The following ANKZF1 variants were observed in gnomAD, a reference collection of about 807,000 sequenced individuals.
ANKZF1 encodes tRNA endonuclease ANKZF1.
ANKZF1 carries 84 observed loss-of-function variants against 86.0 expected under a neutral mutation model. The observed-to-expected ratio is 0.98, with a 90% CI of 0.82 to 1.17. The LOEUF (loss-of-function observed/expected upper bound fraction) is 1.17. Among genes scored for constraint, ANKZF1 ranks in the 50% most tolerant of loss-of-function variants. The probability of loss-of-function intolerance (pLI) is 0.00; values close to 1 mark genes in which losing one functional copy is unlikely to be tolerated. For synonymous variants in ANKZF1, 331 were observed against 354.2 expected (o/e 0.93, Z 0.74); for missense variants, 893 against 918.4 (o/e 0.97, Z 0.36).
intron 9 of ANKZF1, chr2:219,234,538 A>G (rs1411810841): frequency 4.7e-6 from 3 of 643,468 alleles, no homozygotes. Flanking sequence ...GATCTCACAT[A>G]GTTTATCTTT....
chr2:219,235,345 G>C, intron 10 of ANKZF1, 33 bp downstream of exon 10: 1 of 1,598,266 alleles, frequency 6.3e-7, no homozygotes. Context: ...AGTCATTTTG[G>C]GTATAGAGAG....
chr2:219,232,077 A>G, intron 3 of ANKZF1, 37 bp downstream of exon 3: 1 of 1,543,966 alleles, frequency 6.5e-7, no homozygotes, highest in Non-Finnish European at 8.8e-7. Flanking sequence ...GTTAGAAGCA[A>G]AAGTGTAATG....
chr2:219,234,260 G>T lies in ANKZF1; in HGVS notation c.1176G>T (p.Leu392=), dbSNP rs1341072278. The T allele has an allele frequency of 9.3e-6, 15 of 1,613,954 alleles. No individual in the cohort carries two copies. Among genetic ancestry groups the T allele is most frequent in the Non-Finnish European group, 1.3e-5 (15 of 1,180,040 alleles). The change falls in exon 9 of 14, where the codon CTG becomes CTT. Residue 392 remains leucine (L), a synonymous_variant. Transcript: ENST00000323348. The stretch of plus-strand genomic sequence containing the variant: ...TCTGCAGGGATGAAAAGGAAGCGCT[G>T]GGGCAGAATGAGGAATCTCCCAAAC... ...RKICRDEKEA[L]GQNEESPKQG...
rs770020767 is a variant in ANKZF1, at chr2:219,233,895, C to G, written c.1000C>G (p.Gln334Glu). The G allele has an allele frequency of 6.2e-7, 1 of 1,608,068 alleles. No individual in the cohort carries two copies. Among genetic ancestry groups the G allele is most frequent in the South Asian group, 1.1e-5 (1 of 90,210 alleles). ...CCTCGCCACCCGCAGACCCACCTTC[C>G]AAGAGCTACAGCGTGTGCTCCATAA... ...IPLATRRPTF[Q>E]ELQRVLHKLT... is the part of the protein sequence containing the mutation. Residue 334 changes from glutamine (Q) to glutamate (E), a missense_variant, in exon 8 of 14, where the codon CAA becomes GAA. By Grantham distance (29) the Gln-to-Glu change is conservative (BLOSUM62 2). Coordinates refer to ENST00000323348, the MANE Select transcript of ANKZF1 (RefSeq NM_018089.3).
At position 219,232,296 on chromosome 2, in the gene ANKZF1, C is replaced by T; in HGVS notation, c.298C>T (p.Leu100=). The change falls in exon 4 of 14, where the codon CTA becomes TTA. Residue 100 remains leucine (L), a synonymous_variant. Transcript: ENST00000323348. ...HYKLDWHRFN[L]KQRLKDKPLL... The stretch of plus-strand genomic sequence containing the variant: ...TAAGCTTGACTGGCATCGGTTTAAC[C>T]TAAAGCAACGTCTCAAGGACAAGCC... The T allele has an allele frequency of 6.2e-7, 1 of 1,614,186 alleles. No homozygotes were observed. Among genetic ancestry groups the T allele is most frequent in the South Asian group, 1.1e-5 (1 of 91,088 alleles).
In ANKZF1 at chr2:219,233,959, A is replaced by C. The variant is rs764757977; in HGVS notation, c.1048+16A>C. ...CATGTCTATGGTGAGCCTTTGCTCC[A>C]GATCCCAATTCCCTAGACCTTCCTG... is the stretch of plus-strand genomic sequence containing the variant. On this transcript the variant is annotated intron_variant, in intron 8 of 13. Coordinates refer to ENST00000323348, the MANE Select transcript of ANKZF1 (RefSeq NM_018089.3). 1.1e-5 allele frequency: 17 copies of C among 1,553,852 alleles called. No homozygotes were observed. The highest frequency in any genetic ancestry group is 1.5e-5 in the Non-Finnish European group (17 of 1,152,502).
rs1000301786 is a variant in ANKZF1, at chr2:219,233,350, C to T, written c.736C>T (p.Gln246Ter). The T allele has an allele frequency of 1.2e-6, 2 of 1,614,134 alleles. No homozygotes were observed. Among genetic ancestry groups the T allele is most frequent in the African/African-American group, 1.3e-5 (1 of 74,946 alleles). ...YTVRAKRGTA[Q>*]GLRDARGGPS... ...GGTTCGGGCCAAGCGGGGCACAGCC[C>T]AGGGGCTTCGGGATGCCCGAGGTGG... The change falls in exon 7 of 14, where the codon CAG (glutamine) becomes TAG (stop). Residue 246 changes from glutamine to a stop codon, truncating the protein, a stop_gained. Coordinates refer to ENST00000323348, the MANE Select transcript of ANKZF1 (RefSeq NM_018089.3). LOFTEE classifies it high-confidence loss of function.
chr2:219,234,119 T>C lies in ANKZF1; in HGVS notation c.1049-14T>C, dbSNP rs1295534395. The C allele has an allele frequency of 1.0e-5, 16 of 1,603,416 alleles. No homozygotes were observed. The highest frequency in any genetic ancestry group is 1.4e-5 in the Non-Finnish European group (16 of 1,177,154). On this transcript the variant is annotated splice_polypyrimidine_tract_variant and intron_variant, in intron 8 of 13. Transcript: ENST00000323348. ...CTCAGCTAAGGTTGAGAAAGATCTT[T>C]TCTTTTATGGCAGAAGAAGACCCTC...
Position 219,234,897 on chromosome 2 carries a change from G to C in ANKZF1, c.1276G>C (p.Asp426His). Residue 426 changes from aspartate to histidine, a missense_variant, in exon 10 of 14, where the codon GAT (aspartate) becomes CAT (histidine). Physicochemically the swap from Asp to His is moderately conservative, Grantham distance 81. Coordinates refer to ENST00000323348, the MANE Select transcript of ANKZF1 (RefSeq NM_018089.3). The stretch of plus-strand genomic sequence containing the variant: ...AGTGGAGTTGACTGTGGGGACTCTG[G>C]ATCTTTGTGAGTCTGAAGTATTGCC... ...ELVELTVGTLDLCESEVLPKR... is the reference protein window; with the variant it reads ...ELVELTVGTLHLCESEVLPKR... 6.2e-7 allele frequency: 1 copy of C among 1,614,176 alleles called. No individual in the cohort carries two copies. The highest frequency in any genetic ancestry group is 8.5e-7 in the Non-Finnish European group (1 of 1,180,026).
chr2:219,235,109 T>C lies in ANKZF1; in HGVS notation c.1488T>C (p.Asn496=), dbSNP rs751289211. Reference sequence around the variant, plus strand: ...CCCCTGGTCAGCCAGAGCTCTGGAATGCACTGCTTGCTGCTTGCCGAGCTG... The same window carrying C: ...CCCCTGGTCAGCCAGAGCTCTGGAACGCACTGCTTGCTGCTTGCCGAGCTG... ...AKAPGQPELW[N]ALLAACRAGD... is the part of the protein sequence containing the mutation. Residue 496 remains asparagine, a synonymous_variant, in exon 10 of 14, where the codon AAT becomes AAC. Coordinates refer to ENST00000323348, the MANE Select transcript of ANKZF1 (RefSeq NM_018089.3). 6.2e-7 allele frequency: 1 copy of C among 1,614,176 alleles called. No homozygotes were observed. The highest frequency in any genetic ancestry group is 8.5e-7 in the Non-Finnish European group (1 of 1,180,034).
rs773956317 is a variant in ANKZF1 at position 219,236,345 on chromosome 2, C to T, written c.2081C>T (p.Ser694Phe). ...AGACGCTGCTGGAGTTGTGGGGCAT[C>T]CCTCCAAGGCCTGACTCCCTTTCAC... Reference protein sequence around the residue: ...NTRRCWSCGASLQGLTPFHYL... With the variant: ...NTRRCWSCGAFLQGLTPFHYL... The change falls in exon 14 of 14, where the codon TCC becomes TTC. Residue 694 changes from serine (S) to phenylalanine (F), a missense_variant. Ser to Phe is a radical substitution (Grantham distance 155). Coordinates refer to ENST00000323348, the MANE Select transcript of ANKZF1 (RefSeq NM_018089.3). The T allele has an allele frequency of 7.4e-6, 12 of 1,614,114 alleles. No homozygotes were observed. The East Asian group carries it at 2.2e-4, about 30-fold the overall frequency.
Position 219,233,957 on chromosome 2 carries a change from C to T in ANKZF1, c.1048+14C>T, listed in dbSNP as rs1363059569. The T allele has an allele frequency of 3.2e-6, 5 of 1,554,322 alleles. No homozygotes were observed. Among genetic ancestry groups the T allele is most frequent in the South Asian group, 1.2e-5 (1 of 80,514 alleles). The stretch of plus-strand genomic sequence containing the variant: ...TGCATGTCTATGGTGAGCCTTTGCT[C>T]CAGATCCCAATTCCCTAGACCTTCC... On this transcript the variant is annotated intron_variant, in intron 8 of 13. Transcript: ENST00000323348.
chr2:219,232,325 C>A lies in ANKZF1; in HGVS notation c.327C>A (p.Leu109=), dbSNP rs748865889. 2 of 1,614,222 alleles carry A rather than the reference C, an allele frequency of 1.2e-6. No individual in the cohort carries two copies. Among genetic ancestry groups the A allele is most frequent in the Admixed American group, 3.3e-5 (2 of 60,034 alleles). The change falls in exon 4 of 14, where the codon CTC becomes CTA. Residue 109 remains leucine, a synonymous_variant. Transcript: ENST00000323348. The part of the protein sequence containing the change: ...NLKQRLKDKP[L]LSALDFEKQS... Reference sequence around the variant, plus strand: ...AGCAACGTCTCAAGGACAAGCCTCTCCTGTCTGCCCTGGACTTTGAAAAGC... The same window carrying A: ...AGCAACGTCTCAAGGACAAGCCTCTACTGTCTGCCCTGGACTTTGAAAAGC...
Position 219,234,358 on chromosome 2 carries a change from T to G in ANKZF1, c.1204+70T>G, listed in dbSNP as rs761213285. 1.9e-6 allele frequency: 3 copies of G among 1,591,478 alleles called. No homozygotes were observed. The South Asian group carries it at 3.3e-5, about 18-fold the overall frequency. ...AAAAATGCACTGGCAAATTCCCTAC[T>G]CTCATAACTGACCCATTTCCTTATT... On this transcript the variant is annotated intron_variant, in intron 9 of 13. Coordinates refer to ENST00000323348, the MANE Select transcript of ANKZF1 (RefSeq NM_018089.3).
intron 5 of ANKZF1, 175 bp from the exon 6 acceptor site, chr2:219,232,904 A>G: frequency 1.2e-6 from 1 of 820,028 alleles, no homozygotes; most frequent in South Asian, 1.7e-5. Flanking sequence ...TTGAATTGTG[A>G]TTCTACCACT....
rs369058806 is a variant in ANKZF1 at position 219,235,481 on chromosome 2, C to G, written c.1699C>G (p.Arg567Gly). Residue 567 changes from arginine (R) to glycine (G), a missense_variant, in exon 11 of 14, where the codon CGG becomes GGG. Coordinates refer to ENST00000323348, the MANE Select transcript of ANKZF1 (RefSeq NM_018089.3). ...AGADPTVQDS[R>G]ARPPYTVAAD... ...TGGAGTTTTTGCACCTAGGGACTCT[C>G]GGGCCCGGCCACCTTATACTGTTGC... is the stretch of plus-strand genomic sequence containing the variant. The G allele has an allele frequency of 2.5e-6, 4 of 1,613,764 alleles. No individual in the cohort carries two copies. The highest frequency in any genetic ancestry group is 3.4e-6 in the Non-Finnish European group (4 of 1,179,960).
Position 219,231,988 on chromosome 2 carries a change from A to G in ANKZF1, c.209A>G (p.Glu70Gly). The G allele has an allele frequency of 2.5e-6, 4 of 1,613,738 alleles. No individual in the cohort carries two copies. The highest frequency in any genetic ancestry group is 3.4e-6 in the Non-Finnish European group (4 of 1,179,914). The change falls in exon 3 of 14, where the codon GAG (glutamate) becomes GGG (glycine). Residue 70 changes from glutamate (E) to glycine (G), a missense_variant. Transcript: ENST00000323348. ...CTCCAGGGTCCTATGGATATTTCAGAGAAGTTATTTTGTTCAACTTGTGAC... is the reference window on the plus strand; with the variant it reads ...CTCCAGGGTCCTATGGATATTTCAGGGAAGTTATTTTGTTCAACTTGTGAC... Reference protein sequence around the residue: ...KLLQGPMDISEKLFCSTCDQT... With the variant: ...KLLQGPMDISGKLFCSTCDQT...
Position 219,233,142 on chromosome 2 carries a change from G to C in ANKZF1, c.622G>C (p.Val208Leu). Residue 208 changes from valine (V) to leucine (L), a missense_variant, in exon 6 of 14, where the codon GTG (valine) becomes CTG (leucine). By Grantham distance (32) the Val-to-Leu change is conservative. Transcript: ENST00000323348. ...GCAAAGTAGAGGTCCCAGAGACTGC[G>C]TGGTGCTCATGGCTGCAGCTGGGCA... ...NLQSRGPRDC[V>L]VLMAAAGHFA... 1 of 1,614,204 alleles carries C rather than the reference G, an allele frequency of 6.2e-7. No individual in the cohort carries two copies. The highest frequency in any genetic ancestry group is 8.5e-7 in the Non-Finnish European group (1 of 1,180,040).
At chr2:219,234,362 A>C in intron 9 of ANKZF1, 74 bp downstream of exon 9, 53 of 1,582,020 alleles carry the variant, frequency 3.4e-5, no homozygotes, top group Non-Finnish European at 4.0e-5. Context: ...CCCTACTCTC[A>C]TAACTGACCC....
Sources: allele counts gnomAD v4.1 joint callset, GRCh38; gene constraint gnomAD v4.1.1; transcripts MANE v1.5; gene names NCBI Gene and HGNC (gene_info 2026-07-23, HGNC 2026-07-21).